LRP1B: variants seen among roughly 807,000 people sequenced by gnomAD.
LRP1B encodes LDL receptor related protein 1B.
In LRP1B, 217 loss-of-function variants were observed where a neutral mutation model predicts 556.6. The ratio of observed to expected loss-of-function variants is 0.39; its 90% CI spans 0.35 to 0.44. The LOEUF is 0.44. LRP1B is among the 20% of genes least tolerant of loss of function. LRP1B has a pLI of 1.00. For synonymous variants in LRP1B, 2,047 were observed against 1,865.8 expected, an observed-to-expected ratio of 1.10 and a Z score of -2.50; for missense variants, 5,053 against 5,620.8, an observed-to-expected ratio of 0.90 and a Z score of 3.23.
At chr2:140,632,213 A>T (rs1483624900) in intron 41 of LRP1B, among the ~76,000 whole-genome samples, 1 of 152,212 alleles carries the variant, frequency 6.6e-6, no homozygotes, top group Non-Finnish European at 1.5e-5. Flanking sequence ...AGATAGTAAA[A>T]GTGTCAGGAA....
intron 41 of LRP1B, among the ~76,000 whole-genome samples, chr2:140,677,671 G>A (rs1191628024): frequency 6.6e-6 from 1 of 151,928 alleles, no homozygotes; most frequent in Non-Finnish European, 1.5e-5. Context: ...TCAGTGGTTC[G>A]AGATCAGCCT....
chr2:140,795,122 G>C (rs922767306), intron 32 of LRP1B, among the ~76,000 whole-genome samples: 1 of 152,038 alleles, frequency 6.6e-6, no homozygotes, highest in Non-Finnish European at 1.5e-5. Context: ...AGTATTATTT[G>C]TCTTACTATT....
intron 11 of LRP1B, among the ~76,000 whole-genome samples, chr2:141,023,295 G>A (rs1379800102): frequency 1.3e-5 from 2 of 151,706 alleles, no homozygotes; most frequent in Non-Finnish European, 2.9e-5. Flanking sequence ...TTCAAATTTA[G>A]GATTAATAAT....
intron 47 of LRP1B, among the ~76,000 whole-genome samples, chr2:140,532,962 C>CTA (rs1553482137): frequency 2.8e-4 from 13 of 45,864 alleles, no homozygotes; most frequent in East Asian, 1.1e-3. Flanking sequence ...ATATATATCT[C>CTA]GATCTGTTTA....
At chr2:140,922,152 A>T (rs1329052032) in intron 21 of LRP1B, among the ~76,000 whole-genome samples, 1 of 152,016 alleles carries the variant, frequency 6.6e-6, no homozygotes, top group Non-Finnish European at 1.5e-5. Context: ...ACTTCAACAC[A>T]TCATCTGGCA....
chr2:140,592,668 G>C (rs1682275010), intron 43 of LRP1B, among the ~76,000 whole-genome samples: 1 of 152,110 alleles, frequency 6.6e-6, no homozygotes, highest in Non-Finnish European at 1.5e-5. Flanking sequence ...AAAGATAGAA[G>C]ATAGGTAAAT....
chr2:140,363,376 C>T (rs1052880298), intron 72 of LRP1B, among the ~76,000 whole-genome samples: 1 of 151,438 alleles, frequency 6.6e-6, no homozygotes, highest in Non-Finnish European at 1.5e-5. Flanking sequence ...GGAAGCAGCT[C>T]TAGGAGAATA....
At chr2:140,812,559 T>C (rs979631348) in intron 32 of LRP1B, among the ~76,000 whole-genome samples, 2 of 151,722 alleles carry the variant, frequency 1.3e-5, no homozygotes, top group Non-Finnish European at 2.9e-5. Context: ...CTTATTAACA[T>C]ATACTCATGA....
intron 7 of LRP1B, among the ~76,000 whole-genome samples, chr2:141,130,712 C>T (rs768698877): frequency 4.6e-5 from 7 of 151,948 alleles, no homozygotes; most frequent in Non-Finnish European, 8.8e-5. Flanking sequence ...AATAGTAGTA[C>T]ACAATGGTTG....
At chr2:141,043,271 A>T (rs1698762088) in intron 11 of LRP1B, among the ~76,000 whole-genome samples, 1 of 151,210 alleles carries the variant, frequency 6.6e-6, no homozygotes, top group African/African-American at 2.4e-5. Context: ...AAAAAGAAAA[A>T]GAAAAGAAAA....
intron 2 of LRP1B, among the ~76,000 whole-genome samples, chr2:141,537,573 A>T (rs887199777): frequency 3.3e-5 from 5 of 152,148 alleles, no homozygotes; most frequent in Non-Finnish European, 7.4e-5. Context: ...ACTTTAGGTA[A>T]ATCACTTCAT....
intron 25 of LRP1B, among the ~76,000 whole-genome samples, chr2:140,879,886 G>T (rs1323968087): frequency 6.6e-6 from 1 of 150,932 alleles, no homozygotes; most frequent in Admixed American, 6.6e-5. Context: ...AGCATTATAG[G>T]CATAAAAAGG....
At chr2:141,443,713 A>G (rs1360396320) in intron 3 of LRP1B, among the ~76,000 whole-genome samples, 1 of 151,820 alleles carries the variant, frequency 6.6e-6, no homozygotes, top group Non-Finnish European at 1.5e-5. Context: ...TGTTTTTGTC[A>G]GGTTTGTCAG....
intron 12 of LRP1B, among the ~76,000 whole-genome samples, chr2:141,016,545 C>T (rs1473404798): frequency 2.0e-5 from 3 of 151,992 alleles, no homozygotes; most frequent in Non-Finnish European, 4.4e-5. Flanking sequence ...TTTAGCTGCA[C>T]GTAAGTTTAG....
At position 140,700,266 on chromosome 2, in the gene LRP1B, T is replaced by C; in HGVS notation, c.6783A>G (p.Arg2261=). ...TGTACTTACTTTCAACAATTACTTG[T>C]CTGTCTTCCCAGTTGTCTTTAATAA... The part of the protein sequence containing the change: ...IQLIKDNWED[R]QVIVENVGSV... The change falls in exon 41 of 91, where the codon AGA becomes AGG. Residue 2261 remains arginine (R), a synonymous_variant. Transcript: ENST00000389484. 1.2e-6 allele frequency: 2 copies of C among 1,610,792 alleles called. No individual in the cohort carries two copies.
At chr2:142,011,295 CT>C (rs1427540012) in intron 1 of LRP1B, among the ~76,000 whole-genome samples, 1 of 152,156 alleles carries the variant, frequency 6.6e-6, no homozygotes, top group Non-Finnish European at 1.5e-5. Flanking sequence ...CCTCTTCTCC[CT>C]TAGTGCCCTC....
intron 2 of LRP1B, among the ~76,000 whole-genome samples, chr2:141,499,195 T>C (rs1453810208): frequency 1.3e-5 from 2 of 152,024 alleles, no homozygotes; most frequent in Non-Finnish European, 2.9e-5. Context: ...ATCTTAAGAG[T>C]CACACTTGTT....
At chr2:141,679,116 C>T (rs928783180) in intron 2 of LRP1B, among the ~76,000 whole-genome samples, 6 of 152,064 alleles carry the variant, frequency 3.9e-5, no homozygotes, top group Non-Finnish European at 8.8e-5. Flanking sequence ...GGCCCCTTTC[C>T]AATAGCCAAT....
At chr2:140,818,417 T>C (rs1429332) in intron 31 of LRP1B, among the ~76,000 whole-genome samples, 109,937 of 152,054 alleles carry the variant, frequency 0.72, 42,425 homozygotes, top group Non-Finnish European at 0.86. Context: ...ACATGCTATA[T>C]CTGTAGAAGA....
Sources: gnomAD v4.1 joint callset for allele counts (sites outside exome capture counted in the v4.1 genomes callset) on GRCh38, gnomAD v4.1.1 for gene constraint, MANE v1.5 for transcripts, NCBI Gene and HGNC (gene_info 2026-07-23, HGNC 2026-07-21) for gene names.